PTPRS: variants seen among roughly 807,000 people sequenced by gnomAD.
PTPRS encodes receptor-type tyrosine-protein phosphatase S.
Under a neutral mutation model 215.3 loss-of-function variants are expected in PTPRS, and 63 were observed. That is an observed-to-expected ratio of 0.29 (90% CI 0.24 to 0.36). The LOEUF (loss-of-function observed/expected upper bound fraction) is 0.36. Ranked by LOEUF, PTPRS falls within the 10% of genes least tolerant of loss-of-function variation. The pLI is 1.00. For synonymous variants in PTPRS, 1,404 were observed against 1,191.4 expected (o/e 1.18, Z -3.68); for missense variants, 2,258 against 2,825.8 (o/e 0.80, Z 4.56).
Position 5,338,094 on chromosome 19 carries a change from C to T in PTPRS, c.-95+2570G>A, listed in dbSNP as rs1375808984. ...CGGGCCACGCCAAAATGACCTGTCACCCATCTCCCGCGGGGAGTGGGGAGC... is the reference window on the plus strand; with the variant it reads ...CGGGCCACGCCAAAATGACCTGTCATCCATCTCCCGCGGGGAGTGGGGAGC... On this transcript the variant is annotated intron_variant, in intron 1 of 37. Coordinates refer to ENST00000262963, the MANE Select transcript of PTPRS (RefSeq NM_002850.4). The surrounding 1 kb of genome is among the most constrained non-coding windows in gnomAD (Gnocchi z 4.2). Among the ~76,000 whole-genome samples, 1 of 151,556 alleles carries T rather than the reference C, an allele frequency of 6.6e-6. No homozygotes were observed. The highest frequency in any genetic ancestry group is 6.6e-5 in the Admixed American group (1 of 15,236).
At chr19:5,310,999 C>T (rs955286842) in intron 1 of PTPRS, among the ~76,000 whole-genome samples, 1 of 152,186 alleles carries the variant, frequency 6.6e-6, no homozygotes, top group Non-Finnish European at 1.5e-5. Flanking sequence ...CCTGCCTCAG[C>T]CTCCCGAGTA....
In PTPRS at chr19:5,214,721, T is replaced by C. The variant is rs1270305003; in HGVS notation, c.4334A>G (p.Asp1445Gly). Residue 1445 changes from aspartate (D) to glycine (G), a missense_variant, in exon 29 of 38, where the codon GAT becomes GGT. Asp to Gly is a moderately conservative substitution (Grantham distance 94). Around this residue, in one of 6 missense-constraint regions of PTPRS, gnomAD observed 927 missense variants for 1,125.9 expected, o/e 0.82. Transcript: ENST00000262963. ...GTCCACGTAGTTGGCATTGATGTAA[T>C]CACTGCCCATGATGCCTGCAGCCAG... is the stretch of plus-strand genomic sequence containing the variant. ...LQPIEGIMGS[D>G]YINANYVDGY... 1.9e-6 allele frequency: 3 copies of C among 1,605,658 alleles called. No homozygotes were observed. The highest frequency in any genetic ancestry group is 2.6e-6 in the Non-Finnish European group (3 of 1,174,082).
At chr19:5,288,439 A>G (rs1232971650) in intron 1 of PTPRS, among the ~76,000 whole-genome samples, 1 of 152,240 alleles carries the variant, frequency 6.6e-6, no homozygotes. Flanking sequence ...TGAAGGAAAT[A>G]AAGCCTAGAG....
intron 5 of PTPRS, among the ~76,000 whole-genome samples, chr19:5,264,614 T>G (rs943539352): frequency 6.6e-6 from 1 of 152,138 alleles, no homozygotes; most frequent in Non-Finnish European, 1.5e-5. Context: ...CCCAGCCCCC[T>G]CAGTGGCTTC....
At position 5,223,247 on chromosome 19, in the gene PTPRS, G is replaced by A; in HGVS notation, c.2545C>T (p.Leu849=). The A allele has an allele frequency of 1.3e-6, 2 of 1,485,162 alleles. No individual in the cohort carries two copies. The highest frequency in any genetic ancestry group is 2.5e-5 in the East Asian group (1 of 40,348). The allele number at this position is 1,485,162 out of a possible 1,614,324, so 92.0% of individuals were successfully genotyped here. A position where few individuals can be genotyped will look rare whatever the true frequency, so the allele number is the denominator to read the frequency against. The change falls in exon 18 of 38, where the codon CTG becomes TTG. Residue 849 remains leucine, a synonymous_variant. Transcript: ENST00000262963. The part of the protein sequence containing the change: ...SVQQTPEGSL[L]ARWEPPAGTA... Reference sequence around the variant, plus strand: ...CCAGCCGGGGGCTCCCAGCGTGCCAGCAGGCTGCCCTCGGGGGTCTGCTGC... The same window carrying A: ...CCAGCCGGGGGCTCCCAGCGTGCCAACAGGCTGCCCTCGGGGGTCTGCTGC...
chr19:5,212,844 A>C (rs1599373409), intron 30 of PTPRS, among the ~76,000 whole-genome samples: 1 of 149,606 alleles, frequency 6.7e-6, no homozygotes, highest in East Asian at 2.0e-4. Context: ...CTCCATCTCA[A>C]AAAAAAAAAC....
Position 5,222,746 on chromosome 19 carries a change from G to T in PTPRS, c.3046C>A (p.Arg1016=). ...YDLQVRAHTR[R]GPGPFSPPVR... ...GGGGGGCTGAAGGGGCCAGGGCCCC[G>T]GCGCGTGTGGGCTCGCACTTGGAGG... Residue 1016 remains arginine (R), a synonymous_variant, in exon 18 of 38, where the codon CGG becomes AGG. Coordinates refer to ENST00000262963, the MANE Select transcript of PTPRS (RefSeq NM_002850.4). 1 of 1,598,254 alleles carries T rather than the reference G, an allele frequency of 6.3e-7. No homozygotes were observed.
In PTPRS at chr19:5,208,207, C is replaced by T. The variant is rs759243085; in HGVS notation, c.5642+30G>A. 3.8e-6 allele frequency: 6 copies of T among 1,565,120 alleles called. No homozygotes were observed. The African/African-American group carries it at 8.1e-5, about 21-fold the overall frequency. ...CCAGGCCTCAGTTTCCCCAGCAGGG[C>T]CAAAAGCTGGGACACTCGAGGGAGC... On this transcript the variant is annotated intron_variant, in intron 36 of 37. Coordinates refer to ENST00000262963, the MANE Select transcript of PTPRS (RefSeq NM_002850.4).
At chr19:5,296,607 G>A (rs1179283380) in intron 1 of PTPRS, among the ~76,000 whole-genome samples, 1 of 152,020 alleles carries the variant, frequency 6.6e-6, no homozygotes, top group African/African-American at 2.4e-5. Flanking sequence ...TCCAGGCAGA[G>A]AGCTCAGTCC....
chr19:5,308,856 G>A (rs1362994863), intron 1 of PTPRS, among the ~76,000 whole-genome samples: 1 of 152,202 alleles, frequency 6.6e-6, no homozygotes, highest in African/African-American at 2.4e-5. Context: ...TTCTTGGCCC[G>A]GATCCTAAAC....
intron 19 of PTPRS, 70 bp from the exon 20 acceptor site, chr19:5,221,323 T>G: frequency 6.5e-7 from 1 of 1,547,788 alleles, no homozygotes; most frequent in Non-Finnish European, 8.7e-7. Flanking sequence ...AGCTCCAGGA[T>G]GAGTCCCCCA....
In PTPRS at chr19:5,221,142, T is replaced by A; in HGVS notation, c.3313A>T (p.Ser1105Cys). The change falls in exon 20 of 38, where the codon AGC becomes TGC. Residue 1105 changes from serine to cysteine, a missense_variant. Ser to Cys is a moderately radical substitution (Grantham distance 112). This residue lies in a region of PTPRS where 927 missense variants were observed against 1,125.9 expected (regional missense o/e 0.82). Transcript: ENST00000262963. ...YNFVLTNRGS[S>C]LGGLQQTVTA... ...ACCGTCTGCTGGAGGCCGCCCAGGC[T>A]GCTGCCGCGATTGGTCAGCACAAAG... 6.2e-7 allele frequency: 1 copy of A among 1,613,696 alleles called. No individual in the cohort carries two copies. Among genetic ancestry groups the A allele is most frequent in the Non-Finnish European group, 8.5e-7 (1 of 1,179,976 alleles).
chr19:5,214,315 A>G, intron 30 of PTPRS, 46 bp downstream of exon 30: 2 of 1,613,196 alleles, frequency 1.2e-6, no homozygotes, highest in Non-Finnish European at 1.7e-6. Flanking sequence ...CCTCCCTTCC[A>G]ACACATTCCT....
intron 4 of PTPRS, among the ~76,000 whole-genome samples, chr19:5,269,148 TG>T (rs2046686567): frequency 6.6e-6 from 1 of 151,968 alleles, no homozygotes; most frequent in Non-Finnish European, 1.5e-5. Flanking sequence ...CATTCATGCG[TG>T]GGTACATGTG....
chr19:5,218,928 G>A (rs2041734704), intron 23 of PTPRS, 130 bp from the exon 24 acceptor site: 5 of 967,884 alleles, frequency 5.2e-6, no homozygotes, highest in Non-Finnish European at 7.6e-6. Context: ...GGTCTCCTCT[G>A]GAAAATGGTG....
At chr19:5,320,832 G>A (rs958052158) in intron 1 of PTPRS, among the ~76,000 whole-genome samples, 1 of 152,192 alleles carries the variant, frequency 6.6e-6, no homozygotes, top group Non-Finnish European at 1.5e-5. Context: ...CTGGATGGTT[G>A]AGGTTATCAT....
At chr19:5,215,444 G>T in intron 27 of PTPRS, 32 bp from the exon 28 acceptor site, 1 of 1,611,310 alleles carries the variant, frequency 6.2e-7, no homozygotes, top group Non-Finnish European at 8.5e-7. Flanking sequence ...CGGGTGTCAG[G>T]GTAGGTGCCT....
At chr19:5,277,669 AG>A in intron 2 of PTPRS, 1 of 465,126 alleles carries the variant, frequency 2.1e-6, no homozygotes, top group South Asian at 2.0e-5. Context: ...AAAAAAAAAA[AG>A]GAGGAAAAGC....
At chr19:5,263,714 C>A (rs929993542) in intron 5 of PTPRS, among the ~76,000 whole-genome samples, 7 of 152,254 alleles carry the variant, frequency 4.6e-5, no homozygotes, top group Non-Finnish European at 7.3e-5. Flanking sequence ...TGTGTCCCCA[C>A]GCACGAGCAC....
Sources: allele counts gnomAD v4.1 joint callset (sites outside exome capture counted in the v4.1 genomes callset), GRCh38; gene constraint gnomAD v4.1.1; regional missense constraint gnomAD v4.1.1; non-coding constraint Gnocchi (gnomAD v3.1); transcripts MANE v1.5; gene names NCBI Gene and HGNC (gene_info 2026-07-23, HGNC 2026-07-21).